Variants in TMEM156 observed in about 807,000 individuals in gnomAD.
The protein encoded by TMEM156 is transmembrane protein 156.
In TMEM156, 28 loss-of-function variants were observed where a neutral mutation model predicts 30.5. That is an observed-to-expected ratio of 0.92 (90% CI 0.68 to 1.26). The LOEUF (loss-of-function observed/expected upper bound fraction) is 1.26. Ranked by LOEUF, TMEM156 falls within the 50% of genes most tolerant of loss-of-function variation. TMEM156 has a pLI of 0.00. For synonymous variants in TMEM156, 137 were observed against 119.9 expected, an observed-to-expected ratio of 1.14 and a Z score of -0.93; for missense variants, 351 against 340.6, an observed-to-expected ratio of 1.03 and a Z score of -0.24.
At chr4:38,998,944 TA>T in intron 1 of TMEM156, 35 bp from the exon 2 acceptor site, 1 of 1,566,674 alleles carries the variant, frequency 6.4e-7, no homozygotes, top group South Asian at 1.2e-5. Context: ...TTCTTTACTG[TA>T]AAGCTTTGAG....
intron 1 of TMEM156, among the ~76,000 whole-genome samples, chr4:39,007,093 A>G (rs917483881): frequency 6.6e-6 from 1 of 152,224 alleles, no homozygotes; most frequent in African/African-American, 2.4e-5. Context: ...CCTCTGTCAT[A>G]TAAAGTTTCC....
intron 5 of TMEM156, among the ~76,000 whole-genome samples, chr4:38,975,845 AT>A (rs1722825861): frequency 6.6e-6 from 1 of 152,214 alleles, no homozygotes; most frequent in Non-Finnish European, 1.5e-5. Context: ...ATTATAAGGC[AT>A]AGATGAAGGG....
At chr4:39,002,851 A>C (rs1713467283) in intron 1 of TMEM156, among the ~76,000 whole-genome samples, 1 of 150,092 alleles carries the variant, frequency 6.7e-6, no homozygotes, top group Non-Finnish European at 1.5e-5. Context: ...ACATGGACAC[A>C]GGAAGGGGAA....
chr4:38,983,898 G>T (rs935983675), intron 5 of TMEM156, among the ~76,000 whole-genome samples: 1 of 152,036 alleles, frequency 6.6e-6, no homozygotes, highest in Non-Finnish European at 1.5e-5. Context: ...TTGCTCATCC[G>T]CTCTTTTTAC....
At chr4:39,018,406 C>G (rs1397268637) in intron 1 of TMEM156, among the ~76,000 whole-genome samples, 1 of 152,136 alleles carries the variant, frequency 6.6e-6, no homozygotes, top group East Asian at 1.9e-4. Context: ...GATTTACTCA[C>G]ATGTTTATAA....
At chr4:39,003,482 G>T (rs1003631896) in intron 1 of TMEM156, among the ~76,000 whole-genome samples, 1 of 152,056 alleles carries the variant, frequency 6.6e-6, no homozygotes, top group African/African-American at 2.4e-5. Context: ...TTACAGGCAT[G>T]CACCACCACG....
In TMEM156 at chr4:38,992,763, T is replaced by TA. The variant is rs112676288; in HGVS notation, c.619+974_619+975insT. Among the ~76,000 whole-genome samples, 653 of 67,902 alleles carry TA rather than the reference T, an allele frequency of 9.6e-3. 8 individuals are homozygous for TA. Among genetic ancestry groups the TA allele is most frequent in the African/African-American group, 0.033 (596 of 17,890 alleles). The allele number at this position is 67,902 out of a possible 152,430, so 44.5% of individuals were successfully genotyped here. A position where few individuals can be genotyped will look rare whatever the true frequency, so the allele number is the denominator to read the frequency against. On this transcript the variant is annotated intron_variant, in intron 3 of 6. Coordinates refer to ENST00000381938, the MANE Select transcript of TMEM156 (RefSeq NM_024943.3). The stretch of plus-strand genomic sequence containing the variant: ...ATATAATATATTATATATATATATA[T>TA]TTTTTTTTGTCTTTTCAAGACAGAG...
At chr4:39,028,295 T>C (rs1715329726) in intron 1 of TMEM156, 1 of 152,220 alleles carries the variant, frequency 6.6e-6, no homozygotes, top group Non-Finnish European at 1.5e-5. Context: ...GATATGAGAA[T>C]ATTTTATTTA....
chr4:38,977,672 A>G (rs904832861), intron 5 of TMEM156, among the ~76,000 whole-genome samples: 6 of 152,260 alleles, frequency 3.9e-5, no homozygotes, highest in Non-Finnish European at 7.3e-5. Context: ...GCTTCACAGC[A>G]GTCTTTTCAT....
intron 2 of TMEM156, among the ~76,000 whole-genome samples, chr4:38,997,439 TA>T (rs147049855): frequency 0.017 from 2,558 of 152,260 alleles, 71 homozygotes; most frequent in African/African-American, 0.056. Flanking sequence ...ATATATTTTT[TA>T]AAAGAAGAGA....
At chr4:38,980,430 G>C (rs975203399) in intron 5 of TMEM156, among the ~76,000 whole-genome samples, 1 of 152,182 alleles carries the variant, frequency 6.6e-6, no homozygotes, top group Admixed American at 6.5e-5. Context: ...AGTCAATGTA[G>C]AGTTGTATTT....
At chr4:38,998,167 C>A (rs990253605) in intron 2 of TMEM156, among the ~76,000 whole-genome samples, 3 of 151,948 alleles carry the variant, frequency 2.0e-5, no homozygotes, top group African/African-American at 7.3e-5. Context: ...CAAAGTAAAC[C>A]AAAACCGAGT....
chr4:39,027,551 C>CTTT (rs71192813), intron 1 of TMEM156, among the ~76,000 whole-genome samples: 54 of 79,046 alleles, frequency 6.8e-4, no homozygotes, highest in Middle Eastern at 7.8e-3. Flanking sequence ...TATACTATTC[C>CTTT]TTTTTTTTTT....
Position 39,020,659 on chromosome 4 carries a change from C to A in TMEM156, c.88+11567G>T, listed in dbSNP as rs145625859. On this transcript the variant is annotated intron_variant, in intron 1 of 6. Transcript: ENST00000381938. ...CTCCACCTCCCGTTCGAGCAATTCT[C>A]CTGCTTCAGCCTCCCGAGTAGCTGT... Among the ~76,000 whole-genome samples, 359 of 152,262 alleles carry A rather than the reference C, an allele frequency of 2.4e-3. 5 individuals carry two copies. In the East Asian group the frequency reaches 0.059, roughly 25 times the overall value.
chr4:39,003,911 G>C (rs1005619529), intron 1 of TMEM156, among the ~76,000 whole-genome samples: 1 of 152,060 alleles, frequency 6.6e-6, no homozygotes, highest in Non-Finnish European at 1.5e-5. Flanking sequence ...TATTCAATAA[G>C]TGACCAACTG....
chr4:38,998,543 CA>C (rs199767864), intron 2 of TMEM156, 96 bp downstream of exon 2: 72,163 of 915,164 alleles, frequency 0.079, 194 homozygotes, highest in African/African-American at 0.14. Flanking sequence ...GACTCCATCT[CA>C]AAAAAAAAAA....
At chr4:38,967,793 C>T (rs952054529) in intron 6 of TMEM156, among the ~76,000 whole-genome samples, 152 bp from the exon 7 acceptor site, 2 of 152,238 alleles carry the variant, frequency 1.3e-5, no homozygotes, top group African/African-American at 4.8e-5. Flanking sequence ...GTCTCTGATT[C>T]AGGGCTCTTT....
rs71641396 is a variant in TMEM156 at position 38,966,800 on chromosome 4, A to ATTTTTTT, written c.*873_*879dup. ...TAAATTCGTTTTATTGGTATCTTTG[A>ATTTTTTT]TTTTTTTTTTTTTTTTTTTTTGAGA... On this transcript the variant is annotated 3_prime_UTR_variant, in exon 7 of 7. Transcript: ENST00000381938. The ATTTTTTT allele has an allele frequency of 5.8e-5, 7 of 121,246 alleles. No individual in the cohort carries two copies. The highest frequency in any genetic ancestry group is 2.0e-4 in the African/African-American group (6 of 29,344). The allele number at this position is 121,246 out of a possible 1,614,324, so 7.5% of individuals were successfully genotyped here. A position where few individuals can be genotyped will look rare whatever the true frequency, so the allele number is the denominator to read the frequency against.
chr4:38,972,573 T>C (rs75399770), intron 5 of TMEM156, among the ~76,000 whole-genome samples: 2 of 151,726 alleles, frequency 1.3e-5, no homozygotes, highest in African/African-American at 4.8e-5. Context: ...TTTTTTTTTT[T>C]CTGGGGAGTA....
Sources: allele counts gnomAD v4.1 joint callset (sites outside exome capture counted in the v4.1 genomes callset), GRCh38; gene constraint gnomAD v4.1.1; transcripts MANE v1.5; gene names NCBI Gene and HGNC (gene_info 2026-07-23, HGNC 2026-07-21).